The following PABPC4 variants were observed in gnomAD, a reference collection of about 807,000 sequenced individuals.
PABPC4 encodes the protein polyadenylate-binding protein 4.
Under a neutral mutation model 74.5 loss-of-function variants are expected in PABPC4, and 15 were observed. The observed-to-expected ratio is 0.20, with a 90% CI of 0.13 to 0.31. PABPC4 has a LOEUF of 0.31. Among genes scored for constraint, PABPC4 ranks in the 10% least tolerant of loss-of-function variants. The pLI, the probability that PABPC4 is intolerant of heterozygous loss-of-function variation, is 1.00. For synonymous variants in PABPC4, 345 were observed against 303.0 expected, an observed-to-expected ratio of 1.14 and a Z score of -1.44; for missense variants, 610 against 853.5, an observed-to-expected ratio of 0.71 and a Z score of 3.55.
chr1:39,569,370 T>C, intron 5 of PABPC4: 1 of 574,994 alleles, frequency 1.7e-6, no homozygotes, highest in Non-Finnish European at 3.1e-6. Flanking sequence ...TGTCCTATTC[T>C]TTCAACAACT....
intron 2 of PABPC4, among the ~76,000 whole-genome samples, 170 bp downstream of exon 2, chr1:39,572,223 G>A (rs558332737): frequency 4.6e-5 from 7 of 152,262 alleles, no homozygotes; most frequent in East Asian, 3.9e-4. Flanking sequence ...TGCTGGTTAC[G>A]CTGGGTATGG....
chr1:39,571,536 T>C (rs957091521), intron 2 of PABPC4, 187 bp from the exon 3 acceptor site: 11 of 625,308 alleles, frequency 1.8e-5, no homozygotes, highest in Admixed American at 8.2e-5. Flanking sequence ...TTTACAAAGG[T>C]AGCCCTACTA....
chr1:39,567,338 T>C (rs1645862896), intron 7 of PABPC4: 1 of 512,216 alleles, frequency 2.0e-6, no homozygotes, highest in Non-Finnish European at 3.9e-6. Context: ...CAAGCCCACC[T>C]CCAAAATCTT....
chr1:39,571,738 T>A (rs1645944087), intron 2 of PABPC4: 1 of 399,380 alleles, frequency 2.5e-6, no homozygotes, highest in Admixed American at 3.2e-5. Context: ...ATGAGTGTGG[T>A]GGCACGTGCC....
chr1:39,572,132 A>C (rs1489659556), intron 2 of PABPC4, among the ~76,000 whole-genome samples: 1 of 152,170 alleles, frequency 6.6e-6, no homozygotes, highest in African/African-American at 2.4e-5. Flanking sequence ...CCCCATCCCA[A>C]AAGAAAAACG....
chr1:39,564,505 C>A lies in PABPC4; in HGVS notation c.1371G>T (p.Gly457=). ...CCAGATGGCGAAGAGTTGGACGAGG[C>A]CCAGACTGGCGTATAGCACTTGGCA... The part of the protein sequence containing the change: ...QGMPSAIRQS[G]PRPTLRHLAP... The change falls in exon 10 of 16, where the codon GGG becomes GGT. Residue 457 remains glycine, a synonymous_variant. Coordinates refer to ENST00000372858, the MANE Select transcript of PABPC4 (RefSeq NM_001135653.2). 1 of 1,614,190 alleles carries A rather than the reference C, an allele frequency of 6.2e-7. No homozygotes were observed. Among genetic ancestry groups the A allele is most frequent in the Non-Finnish European group, 8.5e-7 (1 of 1,180,022 alleles).
chr1:39,562,214 G>A lies in PABPC4; in HGVS notation c.1763-11C>T, dbSNP rs907615244. 5 of 1,614,042 alleles carry A rather than the reference G, an allele frequency of 3.1e-6. No individual in the cohort carries two copies. Among genetic ancestry groups the A allele is most frequent in the Non-Finnish European group, 4.2e-6 (5 of 1,179,922 alleles). On this transcript the variant is annotated splice_polypyrimidine_tract_variant and intron_variant, in intron 13 of 15. Coordinates refer to ENST00000372858, the MANE Select transcript of PABPC4 (RefSeq NM_001135653.2). ...GGAACAAGCGTTCTCCTATGGGGAG[G>A]ATAGTTAATAAAAAAACAAATCAAA...
chr1:39,565,001 T>A, intron 8 of PABPC4, 105 bp downstream of exon 8: 1 of 1,250,882 alleles, frequency 8.0e-7, no homozygotes, highest in South Asian at 1.4e-5. Flanking sequence ...GGGTCCTTAT[T>A]GTGACATTCT....
At chr1:39,565,029 A>C in intron 8 of PABPC4, 77 bp downstream of exon 8, 1 of 1,497,028 alleles carries the variant, frequency 6.7e-7, no homozygotes, top group South Asian at 1.2e-5. Context: ...TAATAACGAA[A>C]AATCCCTCTC....
intron 3 of PABPC4, chr1:39,570,537 G>A (rs1221471632): frequency 6.5e-6 from 1 of 154,754 alleles, no homozygotes; most frequent in African/African-American, 2.4e-5. Context: ...CCCATCCTCT[G>A]GCATACTGAA....
At chr1:39,569,224 G>A (rs1645898639) in intron 5 of PABPC4, among the ~76,000 whole-genome samples, 1 of 152,228 alleles carries the variant, frequency 6.6e-6, no homozygotes, top group African/African-American at 2.4e-5. Flanking sequence ...AAATTCTGCA[G>A]GTGCTTTTGT....
At chr1:39,570,224 C>A (rs965623914) in intron 3 of PABPC4, among the ~76,000 whole-genome samples, 18 of 152,188 alleles carry the variant, frequency 1.2e-4, no homozygotes, top group Admixed American at 1.2e-3. Context: ...TAGACCAGGG[C>A]TATTCCTACC....
At chr1:39,568,014 T>C in intron 6 of PABPC4, 168 bp from the exon 7 acceptor site, 2 of 512,960 alleles carry the variant, frequency 3.9e-6, no homozygotes, top group Middle Eastern at 3.6e-4. Context: ...TCCCAGCACT[T>C]TGGGAGGCCG....
At chr1:39,565,620 GAATTCAA>G (rs894509046) in intron 7 of PABPC4, among the ~76,000 whole-genome samples, 15 of 152,220 alleles carry the variant, frequency 9.9e-5, no homozygotes, top group African/African-American at 3.6e-4. Context: ...ACGAGGTCAG[GAATTCAA>G]GACCATCCTG....
chr1:39,562,315 T>C lies in PABPC4; in HGVS notation c.1762+8A>G, dbSNP rs1188412196. On this transcript the variant is annotated splice_region_variant and intron_variant, in intron 13 of 15. Coordinates refer to ENST00000372858, the MANE Select transcript of PABPC4 (RefSeq NM_001135653.2). ...CCCTCTTCTTCTGCAAGCAAGTGGGTCACTCACCCAGCATCTGCTTCTGTT... is the reference window on the plus strand; with the variant it reads ...CCCTCTTCTTCTGCAAGCAAGTGGGCCACTCACCCAGCATCTGCTTCTGTT... 1.2e-6 allele frequency: 2 copies of C among 1,613,300 alleles called. No individual in the cohort carries two copies. The highest frequency in any genetic ancestry group is 2.7e-5 in the African/African-American group (2 of 74,916).
rs1350436453 is a variant in PABPC4, at chr1:39,576,298, A to C, written c.-347T>G. 1 of 201,128 alleles carries C rather than the reference A, an allele frequency of 5.0e-6. No homozygotes were observed. The highest frequency in any genetic ancestry group is 2.3e-5 in the African/African-American group (1 of 43,352). The allele number at this position is 201,128 out of a possible 1,614,324, so 12.5% of individuals were successfully genotyped here. A position where few individuals can be genotyped will look rare whatever the true frequency, so the allele number is the denominator to read the frequency against. ...CCTTCCGAAGGGTAAAAATCCTTTA[A>C]GAGGCGACCGGACGCTGCCCACGGC... On this transcript the variant is annotated 5_prime_UTR_variant, in exon 1 of 16. Transcript: ENST00000372858.
intron 3 of PABPC4, chr1:39,570,965 CCA>C: frequency 1.9e-6 from 2 of 1,055,850 alleles, no homozygotes; most frequent in Non-Finnish European, 2.6e-6. Context: ...CCAGCCAGCC[CCA>C]GTTGTTGATG....
At position 39,560,845 on chromosome 1, in the gene PABPC4, A is replaced by G. The variant is rs1374203399; in HGVS notation, c.*291T>C. ...ATGGAGATTTTTTTTCTTTATTGGG[A>G]AACGTAAGACTTGGGTACATCAAAT... On this transcript the variant is annotated 3_prime_UTR_variant, in exon 16 of 16. Transcript: ENST00000372858. 1.2e-5 allele frequency: 2 copies of G among 168,286 alleles called. No individual in the cohort carries two copies. The highest frequency in any genetic ancestry group is 2.6e-5 in the Non-Finnish European group (2 of 76,736). The allele number at this position is 168,286 out of a possible 1,614,324, so 10.4% of individuals were successfully genotyped here.
At position 39,561,626 on chromosome 1, in the gene PABPC4, A is replaced by G. The variant is rs546682482; in HGVS notation, c.*13+59T>C. ...ATATACAACCTCAGGTCAAACCACAAAGACAATGCTCATAGGAACAATGCT... is the reference window on the plus strand; with the variant it reads ...ATATACAACCTCAGGTCAAACCACAGAGACAATGCTCATAGGAACAATGCT... On this transcript the variant is annotated intron_variant, in intron 15 of 15. Coordinates refer to ENST00000372858, the MANE Select transcript of PABPC4 (RefSeq NM_001135653.2). 3 of 1,219,512 alleles carry G rather than the reference A, an allele frequency of 2.5e-6. No individual in the cohort carries two copies. In the African/African-American group the frequency reaches 4.5e-5, roughly 18 times the overall value. The allele number at this position is 1,219,512 out of a possible 1,614,324, so 75.5% of individuals were successfully genotyped here. A position where few individuals can be genotyped will look rare whatever the true frequency, so the allele number is the denominator to read the frequency against.
Sources: gnomAD v4.1 joint callset for allele counts (sites outside exome capture counted in the v4.1 genomes callset) on GRCh38, gnomAD v4.1.1 for gene constraint, MANE v1.5 for transcripts, NCBI Gene and HGNC (gene_info 2026-07-23, HGNC 2026-07-21) for gene names.